The following TMEM74 variants were observed in gnomAD, a reference collection of about 807,000 sequenced individuals.
TMEM74 encodes transmembrane protein 74.
In TMEM74, 13 loss-of-function variants were observed where a neutral mutation model predicts 18.1. That is an observed-to-expected ratio of 0.72 (90% CI 0.47 to 1.14). TMEM74 has a LOEUF of 1.14. TMEM74 is among the 50% of genes most tolerant of loss of function. The probability of loss-of-function intolerance (pLI) is 0.00; values close to 1 mark genes in which losing one functional copy is unlikely to be tolerated. For synonymous variants in TMEM74, 159 were observed against 146.6 expected, an observed-to-expected ratio of 1.08 and a Z score of -0.61; for missense variants, 372 against 375.9, an observed-to-expected ratio of 0.99 and a Z score of 0.09.
intron 2 of TMEM74, among the ~76,000 whole-genome samples, chr8:108,619,756 A>G (rs898139259): frequency 6.6e-6 from 1 of 152,138 alleles, no homozygotes. Flanking sequence ...TTGAAGCTAC[A>G]CCATTTTGCT....
Position 108,784,150 on chromosome 8 carries a change from A to G in TMEM74, c.*31T>C, listed in dbSNP as rs897850157. 2 of 1,498,544 alleles carry G rather than the reference A, an allele frequency of 1.3e-6. No homozygotes were observed. The highest frequency in any genetic ancestry group is 1.4e-5 in the African/African-American group (1 of 71,284). The allele number at this position is 1,498,544 out of a possible 1,614,324, so 92.8% of individuals were successfully genotyped here. A position where few individuals can be genotyped will look rare whatever the true frequency, so the allele number is the denominator to read the frequency against. ...ACTTTTTTCATATTATAAAATGCCA[A>G]GGCAGACTCTCAAGATATTCACAAC... On this transcript the variant is annotated 3_prime_UTR_variant, in exon 2 of 2. Transcript: ENST00000297459.
At chr8:108,623,483 T>C (rs1812462893) in intron 2 of TMEM74, among the ~76,000 whole-genome samples, 1 of 152,034 alleles carries the variant, frequency 6.6e-6, no homozygotes, top group East Asian at 1.9e-4. Flanking sequence ...CAGATAACAG[T>C]GTTTCTATGT....
At chr8:108,665,235 T>A (rs138760100) in intron 1 of TMEM74, among the ~76,000 whole-genome samples, 1 of 152,260 alleles carries the variant, frequency 6.6e-6, no homozygotes, top group African/African-American at 2.4e-5. Flanking sequence ...AGGAATAACT[T>A]CGACCTGAAT....
intron 1 of TMEM74, among the ~76,000 whole-genome samples, chr8:108,686,497 G>A (rs975297070): frequency 4.6e-5 from 7 of 151,862 alleles, no homozygotes; most frequent in Non-Finnish European, 8.8e-5. Flanking sequence ...CCACCGCGCC[G>A]GCCCTGTTTT....
chr8:108,689,250 C>T (rs771021062), intron 1 of TMEM74, among the ~76,000 whole-genome samples: 6 of 152,168 alleles, frequency 3.9e-5, no homozygotes, highest in African/African-American at 1.2e-4. Flanking sequence ...TCAAGAAATG[C>T]GGACAAATAC....
intron 1 of TMEM74, among the ~76,000 whole-genome samples, chr8:108,760,973 AGTGT>A (rs60213902): frequency 4.7e-5 from 7 of 148,870 alleles, no homozygotes; most frequent in Non-Finnish European, 9.0e-5. Context: ...GTGGTTTTGG[AGTGT>A]GTGTGTGTGT....
chr8:108,770,110 C>G (rs1280948414), intron 1 of TMEM74, among the ~76,000 whole-genome samples: 2 of 152,046 alleles, frequency 1.3e-5, no homozygotes, highest in African/African-American at 4.8e-5. Flanking sequence ...ATCAATAGAT[C>G]TTGTCAGAAA....
chr8:108,733,832 C>A (rs1813719400), intron 1 of TMEM74, among the ~76,000 whole-genome samples: 1 of 152,184 alleles, frequency 6.6e-6, no homozygotes, highest in Non-Finnish European at 1.5e-5. Flanking sequence ...TGTGTTCTCA[C>A]TGGAAGTCCT....
intron 1 of TMEM74, among the ~76,000 whole-genome samples, chr8:108,702,827 T>C (rs1813350738): frequency 7.0e-6 from 1 of 141,930 alleles, no homozygotes. Context: ...ATGAAATAAC[T>C]TATTGGTAAG....
chr8:108,748,150 CA>C (rs1432107937), intron 1 of TMEM74, among the ~76,000 whole-genome samples: 8 of 152,144 alleles, frequency 5.3e-5, no homozygotes, highest in Admixed American at 5.2e-4. Flanking sequence ...CTGTCTTCCA[CA>C]ATGGTTGAAC....
chr8:108,687,382 A>G (rs1159451758), intron 1 of TMEM74, among the ~76,000 whole-genome samples: 1 of 151,912 alleles, frequency 6.6e-6, no homozygotes, highest in African/African-American at 2.4e-5. Context: ...GGCAAACACA[A>G]CAGAAAAAGT....
intron 1 of TMEM74, among the ~76,000 whole-genome samples, chr8:108,743,417 C>T (rs1322451196): frequency 2.0e-5 from 3 of 151,982 alleles, no homozygotes; most frequent in African/African-American, 7.2e-5. Context: ...CAGAAAAAGG[C>T]CTTACCAGAA....
At chr8:108,771,233 T>G (rs189600011) in intron 1 of TMEM74, among the ~76,000 whole-genome samples, 214 of 152,284 alleles carry the variant, frequency 1.4e-3, no homozygotes, top group Middle Eastern at 3.4e-3. Flanking sequence ...GGGAAATATT[T>G]TAACCTCTCT....
At chr8:108,641,026 T>C (rs1391193) in intron 2 of TMEM74, among the ~76,000 whole-genome samples, 2,203 of 152,292 alleles carry the variant, frequency 0.014, 57 homozygotes, top group African/African-American at 0.05. Context: ...ACTTCATGAC[T>C]TTTTCCTTCC....
chr8:108,752,380 A>G (rs933942232), intron 1 of TMEM74, among the ~76,000 whole-genome samples: 2 of 152,166 alleles, frequency 1.3e-5, no homozygotes, highest in African/African-American at 4.8e-5. Context: ...AGTGTCTAGC[A>G]CAGAATAAGC....
chr8:108,660,877 G>T (rs1586251316), intron 1 of TMEM74, among the ~76,000 whole-genome samples: 1 of 152,018 alleles, frequency 6.6e-6, no homozygotes, highest in African/African-American at 2.4e-5. Flanking sequence ...GTCTGAAAAA[G>T]TTACCATCAT....
intron 1 of TMEM74, among the ~76,000 whole-genome samples, chr8:108,699,115 C>T: frequency 6.9e-6 from 1 of 144,348 alleles, no homozygotes; most frequent in Non-Finnish European, 1.5e-5. Flanking sequence ...CCCTCCCCTC[C>T]CCTCTTGTAC....
chr8:108,683,402 A>G (rs1425107529), intron 1 of TMEM74, among the ~76,000 whole-genome samples: 1 of 151,874 alleles, frequency 6.6e-6, no homozygotes, highest in Non-Finnish European at 1.5e-5. Context: ...AGTTAAAATT[A>G]GCATTTTTTT....
At chr8:108,760,409 A>C (rs1478787932) in intron 1 of TMEM74, among the ~76,000 whole-genome samples, 1 of 152,114 alleles carries the variant, frequency 6.6e-6, no homozygotes, top group Non-Finnish European at 1.5e-5. Flanking sequence ...TGCTGGGCAC[A>C]GAAACGATCT....
Sources: allele counts gnomAD v4.1 joint callset (sites outside exome capture counted in the v4.1 genomes callset), GRCh38; gene constraint gnomAD v4.1.1; transcripts MANE v1.5; gene names NCBI Gene and HGNC (gene_info 2026-07-23, HGNC 2026-07-21).